Variants in RABEP1 observed in about 807,000 individuals in gnomAD.
RABEP1 encodes the protein rab GTPase-binding effector protein 1.
Under a neutral mutation model 123.4 loss-of-function variants are expected in RABEP1, and 51 were observed. That is an observed-to-expected ratio of 0.41 (90% confidence interval 0.33 to 0.52). RABEP1 has a LOEUF of 0.52. RABEP1 is among the 20% of genes least tolerant of loss of function. The pLI is 0.16. For missense variants in RABEP1, 888 were observed against 996.3 expected, an observed-to-expected ratio of 0.89 and a Z score of 1.46; for synonymous variants, 347 against 355.2, an observed-to-expected ratio of 0.98 and a Z score of 0.26.
rs1000477255 is a variant in RABEP1, at chr17:5,282,626, C to T, written c.34+106C>T. 4 of 760,930 alleles carry T rather than the reference C, an allele frequency of 5.3e-6. No homozygotes were observed. In the African/African-American group the frequency reaches 5.8e-5, roughly 11 times the overall value. 47.1% of individuals were successfully genotyped at this position (760,930 alleles called of 1,614,324 possible). A position where few individuals can be genotyped will look rare whatever the true frequency, so the allele number is the denominator to read the frequency against. On this transcript the variant is annotated intron_variant, in intron 1 of 17. Transcript: ENST00000537505. ...CGGCGGCAAGGGCGCGCGCAGGCCC[C>T]GGGGGTGACCCCGCCGGGCGGAGGC...
intron 1 of RABEP1, among the ~76,000 whole-genome samples, chr17:5,299,379 GT>G (rs796302510): frequency 0.021 from 2,915 of 135,870 alleles, 33 homozygotes; most frequent in African/African-American, 0.033. Flanking sequence ...TGTGTAGCAG[GT>G]TTTTTTTTTT....
In RABEP1 at chr17:5,316,477, A is replaced by AACTGCTGG. The variant is rs2075297148; in HGVS notation, c.163+7656_163+7663dup. On this transcript the variant is annotated intron_variant, in intron 2 of 17. Coordinates refer to ENST00000537505, the MANE Select transcript of RABEP1 (RefSeq NM_004703.6). ...AAAAAAAAAAAAAAAAAAAAAAAAG[A>AACTGCTGG]ACTGCTGGTAGAGTGATAGACATTC... 2.8e-5 allele frequency among the ~76,000 whole-genome samples: 4 copies of AACTGCTGG among 144,090 alleles called. No individual in the cohort carries two copies. The South Asian group carries it at 9.7e-4, about 35-fold the overall frequency. 94.5% of individuals were successfully genotyped at this position (144,090 alleles called of 152,430 possible).
chr17:5,354,507 AT>A lies in RABEP1; in HGVS notation c.1095+19del. On this transcript the variant is annotated intron_variant, in intron 8 of 17. Transcript: ENST00000537505. ...AATGAAGAGGTATAGTGAGTCTATA[AT>A]TAAAGTCATTAAATACACAATGTCA... 1 of 1,583,914 alleles carries A rather than the reference AT, an allele frequency of 6.3e-7. No homozygotes were observed. The highest frequency in any genetic ancestry group is 1.4e-5 in the African/African-American group (1 of 73,422).
intron 7 of RABEP1, among the ~76,000 whole-genome samples, chr17:5,351,600 A>T (rs1908556897): frequency 6.6e-6 from 1 of 152,126 alleles, no homozygotes; most frequent in Non-Finnish European, 1.5e-5. Flanking sequence ...GGCCAAGACC[A>T]GCCTGGGCCA....
At chr17:5,294,237 A>G (rs946900089) in intron 1 of RABEP1, among the ~76,000 whole-genome samples, 1 of 152,108 alleles carries the variant, frequency 6.6e-6, no homozygotes. Context: ...TACAAAAGTC[A>G]GCTGGGCGTG....
At chr17:5,339,052 G>A (rs1432757220) in intron 5 of RABEP1, among the ~76,000 whole-genome samples, 3 of 152,098 alleles carry the variant, frequency 2.0e-5, no homozygotes, top group Non-Finnish European at 1.5e-5. Context: ...ACCTACTTGG[G>A]AGACTGAGAT....
chr17:5,320,112 A>G (rs2075338630), intron 2 of RABEP1, among the ~76,000 whole-genome samples: 1 of 152,170 alleles, frequency 6.6e-6, no homozygotes, highest in South Asian at 2.1e-4. Context: ...GGACAAAGAG[A>G]GGATCCTAAA....
rs1911376799 is a variant in RABEP1, at chr17:5,380,633, T to C, written c.2370+171T>C. On this transcript the variant is annotated intron_variant, in intron 16 of 17. Coordinates refer to ENST00000537505, the MANE Select transcript of RABEP1 (RefSeq NM_004703.6). ...CTTAAACGAATTGATCTATTCCAGC[T>C]GGGTTAAATCTTTTCTGCCAGGTCT... 12 of 657,830 alleles carry C rather than the reference T, an allele frequency of 1.8e-5. No homozygotes were observed. In the East Asian group the frequency reaches 3.7e-4, roughly 20 times the overall value. 40.7% of individuals were successfully genotyped at this position (657,830 alleles called of 1,614,324 possible).
chr17:5,316,838 A>G lies in RABEP1; in HGVS notation c.163+8016A>G, dbSNP rs1246543005. Among the ~76,000 whole-genome samples, 4 of 150,332 alleles carry G rather than the reference A, an allele frequency of 2.7e-5. No individual in the cohort carries two copies. The East Asian group carries it at 7.7e-4, about 29-fold the overall frequency. On this transcript the variant is annotated intron_variant, in intron 2 of 17. Transcript: ENST00000537505. ...ACAGAGCAAGACTCTGTCTCAAAAA[A>G]AAAAAAAAAAAAAAAAAATATAAGA...
At position 5,385,751 on chromosome 17, in the gene RABEP1, T is replaced by G. The variant is rs1911904550; in HGVS notation, c.*2528T>G. The G allele has an allele frequency of 5.6e-5, 13 of 232,196 alleles. No individual in the cohort carries two copies. Among genetic ancestry groups the G allele is most frequent in the Non-Finnish European group, 1.7e-5 (2 of 117,608 alleles). The allele number at this position is 232,196 out of a possible 1,614,324, so 14.4% of individuals were successfully genotyped here. On this transcript the variant is annotated 3_prime_UTR_variant, in exon 18 of 18. Coordinates refer to ENST00000537505, the MANE Select transcript of RABEP1 (RefSeq NM_004703.6). ...ATTTCAGGTGTAACCATTTGTTAAC[T>G]GTACTGAAGGTGTGTCCTCAAGAAG...
At chr17:5,336,332 C>T (rs1241215054) in intron 4 of RABEP1, among the ~76,000 whole-genome samples, 2 of 152,158 alleles carry the variant, frequency 1.3e-5, no homozygotes, top group African/African-American at 2.4e-5. Flanking sequence ...CCTATATACT[C>T]CATGCCTAGT....
At chr17:5,322,356 CA>C (rs1597354004) in intron 2 of RABEP1, among the ~76,000 whole-genome samples, 1 of 145,738 alleles carries the variant, frequency 6.9e-6, no homozygotes, top group Admixed American at 6.8e-5. Flanking sequence ...GAAACTGTCT[CA>C]AAAGAAAAAA....
intron 16 of RABEP1, 147 bp downstream of exon 16, chr17:5,380,609 T>TTA (rs1567556665): frequency 5.6e-6 from 4 of 718,726 alleles, no homozygotes; most frequent in African/African-American, 3.5e-5. Context: ...AAGAAAAAAC[T>TTA]TAAACGAATT....
intron 5 of RABEP1, among the ~76,000 whole-genome samples, chr17:5,341,313 A>G (rs1165329769): frequency 6.6e-6 from 1 of 152,220 alleles, no homozygotes; most frequent in Non-Finnish European, 1.5e-5. Flanking sequence ...AGAAATTTAA[A>G]AATAACAAAT....
intron 1 of RABEP1, among the ~76,000 whole-genome samples, chr17:5,300,040 T>G (rs2075122606): frequency 6.6e-6 from 1 of 152,146 alleles, no homozygotes; most frequent in Non-Finnish European, 1.5e-5. Context: ...CACTCATTTC[T>G]AAACTGCTTT....
At chr17:5,351,010 A>C (rs1285792049) in intron 7 of RABEP1, among the ~76,000 whole-genome samples, 1 of 152,116 alleles carries the variant, frequency 6.6e-6, no homozygotes, top group Non-Finnish European at 1.5e-5. Flanking sequence ...CTTTCTTAAA[A>C]CATTATGAGA....
intron 3 of RABEP1, 149 bp downstream of exon 3, chr17:5,332,301 A>G: frequency 1.4e-6 from 1 of 733,598 alleles, no homozygotes; most frequent in Non-Finnish European, 2.2e-6. Flanking sequence ...CAGATAAAAG[A>G]GAAGTCACTA....
chr17:5,380,926 T>C (rs1478821452), intron 16 of RABEP1, among the ~76,000 whole-genome samples: 1 of 152,234 alleles, frequency 6.6e-6, no homozygotes, highest in African/African-American at 2.4e-5. Context: ...ACAGTGTTGC[T>C]GAACTGCTTG....
chr17:5,302,998 CAAG>C (rs1320144861), intron 1 of RABEP1, among the ~76,000 whole-genome samples: 2 of 151,994 alleles, frequency 1.3e-5, no homozygotes, highest in Non-Finnish European at 2.9e-5. Flanking sequence ...ATTCTTAAAA[CAAG>C]AAAGATAAAG....
Sources: gnomAD v4.1 joint callset for allele counts (sites outside exome capture counted in the v4.1 genomes callset) on GRCh38, gnomAD v4.1.1 for gene constraint, MANE v1.5 for transcripts, NCBI Gene and HGNC (gene_info 2026-07-23, HGNC 2026-07-21) for gene names.